The following ITGA9 variants were observed in gnomAD, a reference collection of about 807,000 sequenced individuals.
ITGA9 encodes the protein integrin alpha-9.
In ITGA9, 56 loss-of-function variants were observed where a neutral mutation model predicts 127.8. That is an observed-to-expected ratio of 0.44 (90% confidence interval 0.35 to 0.55). The LOEUF is 0.55. ITGA9 is among the 20% of genes least tolerant of loss of function. The pLI, the probability that ITGA9 is intolerant of heterozygous loss-of-function variation, is 0.00. For missense variants in ITGA9, 1,196 were observed against 1,347.1 expected, an observed-to-expected ratio of 0.89 and a Z score of 1.76; for synonymous variants, 508 against 514.5, an observed-to-expected ratio of 0.99 and a Z score of 0.17.
chr3:37,487,082 T>TTTTTG (rs59735281), intron 4 of ITGA9, among the ~76,000 whole-genome samples: 14,664 of 152,180 alleles, frequency 0.096, 930 homozygotes, highest in Non-Finnish European at 0.14. Flanking sequence ...TTTTGTTGTA[T>TTTTTG]TTTTGTTTTG....
intron 10 of ITGA9, 37 bp downstream of exon 10, chr3:37,517,646 G>A (rs1213003595): frequency 4.9e-6 from 7 of 1,426,760 alleles, no homozygotes; most frequent in Non-Finnish European, 6.8e-6. Flanking sequence ...GCCCCTCCAG[G>A]TGCAGCACGC....
intron 16 of ITGA9, among the ~76,000 whole-genome samples, chr3:37,637,424 GCTCT>G (rs1459576495): frequency 3.3e-5 from 5 of 151,982 alleles, no homozygotes; most frequent in Admixed American, 6.6e-5. Context: ...TCATGATTTG[GCTCT>G]CTGTTTGTCT....
rs778316473 is a variant in ITGA9 at position 37,820,805 on chromosome 3, G to T, written c.*1816G>T. On this transcript the variant is annotated 3_prime_UTR_variant, in exon 28 of 28. Transcript: ENST00000264741. ...GCCAGCTACATACACATGGCATCCA[G>T]TGCGGATGAAACAATCTATAAAACC... The T allele has an allele frequency of 8.5e-5, 13 of 152,208 alleles. No individual in the cohort carries two copies. Among genetic ancestry groups the T allele is most frequent in the Non-Finnish European group, 1.8e-4 (12 of 68,050 alleles). The allele number at this position is 152,208 out of a possible 1,614,324, so 9.4% of individuals were successfully genotyped here.
chr3:37,581,824 C>T (rs149763517), intron 15 of ITGA9, among the ~76,000 whole-genome samples: 2 of 152,280 alleles, frequency 1.3e-5, no homozygotes, highest in East Asian at 3.9e-4. Context: ...AAGCTGGGTG[C>T]TGTAGTGGCA....
intron 18 of ITGA9, among the ~76,000 whole-genome samples, chr3:37,730,023 C>G (rs150050026): frequency 2.1e-3 from 317 of 152,274 alleles, no homozygotes; most frequent in African/African-American, 6.9e-3. Context: ...ACTTCAAGAA[C>G]AGACCTTTGA....
At chr3:37,491,925 A>C (rs533933837) in intron 4 of ITGA9, among the ~76,000 whole-genome samples, 1 of 152,342 alleles carries the variant, frequency 6.6e-6, no homozygotes, top group East Asian at 1.9e-4. Context: ...TCACAGAAAT[A>C]GCATTCAAAG....
At chr3:37,721,779 T>G (rs1372397397) in intron 18 of ITGA9, among the ~76,000 whole-genome samples, 1 of 152,214 alleles carries the variant, frequency 6.6e-6, no homozygotes, top group Non-Finnish European at 1.5e-5. Flanking sequence ...TTAAGGATAC[T>G]TTTAGTTTAT....
chr3:37,675,392 A>G (rs1024527039), intron 17 of ITGA9, among the ~76,000 whole-genome samples: 3 of 151,712 alleles, frequency 2.0e-5, no homozygotes, highest in African/African-American at 7.3e-5. Flanking sequence ...TCTGTGTTTC[A>G]CTCTACCCCT....
intron 6 of ITGA9, among the ~76,000 whole-genome samples, chr3:37,505,260 AACAGTCATGCCTTCTTCATAAAG>A (rs1196757920): frequency 1.3e-5 from 2 of 152,198 alleles, no homozygotes; most frequent in Non-Finnish European, 2.9e-5. Flanking sequence ...AAATGGAAGA[AACAGTCATGCCTTCTTCATAAAG>A]TTTTTAGACT....
chr3:37,725,144 CT>C (rs1224150254), intron 18 of ITGA9, among the ~76,000 whole-genome samples: 2 of 152,200 alleles, frequency 1.3e-5, no homozygotes, highest in Admixed American at 6.5e-5. Flanking sequence ...TGCATCTCTG[CT>C]CAGGGATCAA....
At chr3:37,644,378 G>C (rs1196890015) in intron 16 of ITGA9, among the ~76,000 whole-genome samples, 1 of 152,200 alleles carries the variant, frequency 6.6e-6, no homozygotes, top group Admixed American at 6.5e-5. Flanking sequence ...ATAAGTGGGA[G>C]CTAAATAATG....
At chr3:37,782,959 G>GA (rs1293466506) in intron 25 of ITGA9, among the ~76,000 whole-genome samples, 2 of 152,174 alleles carry the variant, frequency 1.3e-5, no homozygotes, top group Non-Finnish European at 2.9e-5. Context: ...CCAACATGGT[G>GA]AAACCCCATC....
chr3:37,626,963 T>G (rs1440315102), intron 15 of ITGA9, among the ~76,000 whole-genome samples: 2 of 152,188 alleles, frequency 1.3e-5, no homozygotes, highest in Non-Finnish European at 2.9e-5. Context: ...ATTGCATTCA[T>G]TCATCCTTCT....
Position 37,814,292 on chromosome 3 carries a change from G to A in ITGA9, c.3010-4599G>A, listed in dbSNP as rs1195750348. Among the ~76,000 whole-genome samples, 2 of 152,314 alleles carry A rather than the reference G, an allele frequency of 1.3e-5. No homozygotes were observed. Among genetic ancestry groups the A allele is most frequent in the East Asian group, 1.9e-4 (1 of 5,186 alleles). ...AGAAAATAACCTTCCCAGGCTGGGC[G>A]CGGTGGCTCACACCTGTAATCCCAG... is the stretch of plus-strand genomic sequence containing the variant. On this transcript the variant is annotated intron_variant, in intron 27 of 27. Transcript: ENST00000264741. This position sits in a 1 kb window ranked among gnomAD's most constrained non-coding sequence, Gnocchi z 4.3.
At chr3:37,465,655 G>A (rs1478958428) in intron 1 of ITGA9, among the ~76,000 whole-genome samples, 5 of 152,216 alleles carry the variant, frequency 3.3e-5, no homozygotes, top group Admixed American at 6.5e-5. Context: ...CAGTGTCAAT[G>A]CTTTGGAAAA....
intron 23 of ITGA9, among the ~76,000 whole-genome samples, chr3:37,773,750 A>G (rs1237692991): frequency 6.6e-6 from 1 of 152,174 alleles, no homozygotes; most frequent in Non-Finnish European, 1.5e-5. Flanking sequence ...GGGTGACATA[A>G]TTCATCAAAC....
chr3:37,706,903 G>A (rs1014246370), intron 18 of ITGA9, among the ~76,000 whole-genome samples: 3 of 152,110 alleles, frequency 2.0e-5, no homozygotes, highest in Non-Finnish European at 4.4e-5. Context: ...TAGGCTCAAA[G>A]AAAAGACAGT....
At position 37,818,680 on chromosome 3, in the gene ITGA9, G is replaced by A. The variant is rs114567172; in HGVS notation, c.3010-211G>A. 4.3e-3 allele frequency: 2,580 copies of A among 605,622 alleles called. 55 individuals are homozygous for A. Among genetic ancestry groups the A allele is most frequent in the African/African-American group, 0.04 (2,149 of 54,062 alleles). 37.5% of individuals were successfully genotyped at this position (605,622 alleles called of 1,614,324 possible). A position where few individuals can be genotyped will look rare whatever the true frequency, so the allele number is the denominator to read the frequency against. Reference sequence around the variant, plus strand: ...ATTTTAGAAGGAACAAACAGCTTACGTAATATCACCCGCAGGAAGTCCATG... The same window carrying A: ...ATTTTAGAAGGAACAAACAGCTTACATAATATCACCCGCAGGAAGTCCATG... On this transcript the variant is annotated intron_variant, in intron 27 of 27. Transcript: ENST00000264741.
At chr3:37,736,000 G>A (rs190178570) in intron 19 of ITGA9, among the ~76,000 whole-genome samples, 155 of 152,326 alleles carry the variant, frequency 1.0e-3, no homozygotes, top group Middle Eastern at 3.4e-3. Flanking sequence ...AGTTCCTGGC[G>A]AGAGTTCTCT....
Sources: gnomAD v4.1 joint callset for allele counts (sites outside exome capture counted in the v4.1 genomes callset) on GRCh38, gnomAD v4.1.1 for gene constraint, Gnocchi (gnomAD v3.1) non-coding constraint, MANE v1.5 for transcripts, NCBI Gene and HGNC (gene_info 2026-07-23, HGNC 2026-07-21) for gene names.